Variants in SPHKAP observed in about 807,000 individuals in gnomAD.
SPHKAP encodes the protein SPHK1 interactor, AKAP domain containing.
In SPHKAP, 67 loss-of-function variants were observed where a neutral mutation model predicts 137.5. The ratio of observed to expected loss-of-function variants is 0.49; its 90% CI spans 0.40 to 0.60. The LOEUF is 0.60. Among genes scored for constraint, SPHKAP ranks in the 20% least tolerant of loss-of-function variants. SPHKAP has a pLI of 0.00. For missense variants in SPHKAP, 2,097 were observed against 2,069.3 expected, an observed-to-expected ratio of 1.01 and a Z score of -0.26; for synonymous variants, 813 against 785.3, an observed-to-expected ratio of 1.04 and a Z score of -0.59.
intron 3 of SPHKAP, among the ~76,000 whole-genome samples, chr2:228,043,263 A>T (rs1441938915): frequency 6.6e-6 from 1 of 152,226 alleles, no homozygotes; most frequent in Non-Finnish European, 1.5e-5. Context: ...AACACAATGT[A>T]TGAAAGGATA....
chr2:228,121,009 C>T lies in SPHKAP; in HGVS notation c.138+10971G>A, dbSNP rs555692011. 8.5e-5 allele frequency among the ~76,000 whole-genome samples: 13 copies of T among 152,160 alleles called. 1 individual carries two copies. The South Asian group carries it at 1.7e-3, about 19-fold the overall frequency. On this transcript the variant is annotated intron_variant, in intron 2 of 11. Transcript: ENST00000392056. Reference sequence around the variant, plus strand: ...ATCAGTGAAGGGAATGTGATTTTAACGCTAAGTGAAGGAAAATATAAGAAG... The same window carrying T: ...ATCAGTGAAGGGAATGTGATTTTAATGCTAAGTGAAGGAAAATATAAGAAG...
At chr2:228,162,988 G>A (rs1414448289) in intron 1 of SPHKAP, among the ~76,000 whole-genome samples, 1 of 152,076 alleles carries the variant, frequency 6.6e-6, no homozygotes, top group Non-Finnish European at 1.5e-5. Flanking sequence ...TGTGAGTCAC[G>A]TGCCTGGCCA....
intron 3 of SPHKAP, among the ~76,000 whole-genome samples, chr2:228,060,276 A>C (rs1242254779): frequency 6.6e-6 from 1 of 152,186 alleles, no homozygotes; most frequent in Admixed American, 6.5e-5. Flanking sequence ...ATTAAACATA[A>C]AGCAAAAACA....
rs567670445 is a variant in SPHKAP, at chr2:228,107,076, T to A, written c.246+1756A>T. On this transcript the variant is annotated intron_variant, in intron 3 of 11. Transcript: ENST00000392056. ...GCATTAACTCACGTAGTTATCATTT[T>A]TTTTTTGGCTGAGAACACTTAAAAT... 7.8e-3 allele frequency among the ~76,000 whole-genome samples: 1,182 copies of A among 152,288 alleles called. 14 individuals carry two copies. Among genetic ancestry groups the A allele is most frequent in the African/African-American group, 0.027 (1,104 of 41,572 alleles).
In SPHKAP at chr2:227,995,590, C is replaced by T. The variant is rs1196659874; in HGVS notation, c.4553G>A (p.Gly1518Asp). 1 of 1,614,072 alleles carries T rather than the reference C, an allele frequency of 6.2e-7. No homozygotes were observed. Among genetic ancestry groups the T allele is most frequent in the African/African-American group, 1.3e-5 (1 of 75,028 alleles). ...NPPSSSEEST[G>D]SWTQLANEED... The stretch of plus-strand genomic sequence containing the variant: ...CTCATTGGCAAGCTGGGTCCAGCTG[C>T]CTGTGCTCTCCTCGCTGCTGCTTGG... Residue 1518 changes from glycine (G) to aspartate (D), a missense_variant, in exon 8 of 12, where the codon GGC becomes GAC. Coordinates refer to ENST00000392056, the MANE Select transcript of SPHKAP (RefSeq NM_001142644.2).
chr2:228,058,184 C>T (rs1434305165), intron 3 of SPHKAP, among the ~76,000 whole-genome samples: 1 of 152,172 alleles, frequency 6.6e-6, no homozygotes, highest in Non-Finnish European at 1.5e-5. Context: ...CCAGCTACCC[C>T]ATTCTAGCCC....
intron 1 of SPHKAP, among the ~76,000 whole-genome samples, chr2:228,135,022 C>T (rs548331616): frequency 6.6e-6 from 1 of 152,138 alleles, no homozygotes; most frequent in Non-Finnish European, 1.5e-5. Flanking sequence ...CGCCTGTAAT[C>T]CCAGCACTTT....
chr2:228,172,927 T>C (rs13418687), intron 1 of SPHKAP: 61,042 of 538,950 alleles, frequency 0.11, 3,558 homozygotes, highest in East Asian at 0.2. Context: ...TATGTCACTA[T>C]GTCTTATATC....
intron 2 of SPHKAP, among the ~76,000 whole-genome samples, chr2:228,114,487 T>C (rs1698642439): frequency 6.6e-6 from 1 of 152,156 alleles, no homozygotes; most frequent in Non-Finnish European, 1.5e-5. Flanking sequence ...TTCATCCTAC[T>C]GAATGAGCTT....
chr2:228,166,146 G>A (rs1202680180), intron 1 of SPHKAP, among the ~76,000 whole-genome samples: 2 of 152,182 alleles, frequency 1.3e-5, no homozygotes, highest in South Asian at 2.1e-4. Flanking sequence ...GGGAGTACTG[G>A]CAAAATTGAT....
intron 7 of SPHKAP, among the ~76,000 whole-genome samples, chr2:228,004,676 T>A (rs1694058424): frequency 6.6e-6 from 1 of 152,236 alleles, no homozygotes; most frequent in Non-Finnish European, 1.5e-5. Flanking sequence ...TCTTTCGTGC[T>A]TTCTCTTGTG....
rs926475284 is a variant in SPHKAP at position 228,109,477 on chromosome 2, T to C, written c.139-538A>G. 7 of 626,826 alleles carry C rather than the reference T, an allele frequency of 1.1e-5. No individual in the cohort carries two copies. In the South Asian group the frequency reaches 5.0e-4, roughly 44 times the overall value. 38.8% of individuals were successfully genotyped at this position (626,826 alleles called of 1,614,324 possible). A position where few individuals can be genotyped will look rare whatever the true frequency, so the allele number is the denominator to read the frequency against. On this transcript the variant is annotated intron_variant, in intron 2 of 11. Transcript: ENST00000392056. ...GAAATAACTTATAAACAAATTACAT[T>C]AAATACCATTTGCCATTTAGAAATA...
intron 1 of SPHKAP, among the ~76,000 whole-genome samples, chr2:228,168,997 A>G (rs1464578094): frequency 6.6e-6 from 1 of 152,198 alleles, no homozygotes; most frequent in Non-Finnish European, 1.5e-5. Context: ...ACATTCCCTT[A>G]AGGCAAAGCC....
rs868621023 is a variant in SPHKAP at position 228,138,334 on chromosome 2, C to T, written c.33-6249G>A. On this transcript the variant is annotated intron_variant, in intron 1 of 11. Coordinates refer to ENST00000392056, the MANE Select transcript of SPHKAP (RefSeq NM_001142644.2). The stretch of plus-strand genomic sequence containing the variant: ...TTAGGAGTTAACCTCAGTTCTGCAC[C>T]GACAGCTCTCACTCCTGCTGCAATA... Among the ~76,000 whole-genome samples the T allele has an allele frequency of 7.2e-5, 11 of 152,222 alleles. No homozygotes were observed. The South Asian group carries it at 1.2e-3, about 17-fold the overall frequency.
intron 11 of SPHKAP, among the ~76,000 whole-genome samples, chr2:227,987,922 T>C (rs1475793550): frequency 6.6e-6 from 1 of 152,224 alleles, no homozygotes; most frequent in African/African-American, 2.4e-5. Flanking sequence ...GTGAATATTG[T>C]CCAATACCCT....
At chr2:228,152,538 G>C (rs777981598) in intron 1 of SPHKAP, among the ~76,000 whole-genome samples, 1 of 151,642 alleles carries the variant, frequency 6.6e-6, no homozygotes, top group Non-Finnish European at 1.5e-5. Flanking sequence ...TTAAAAATCC[G>C]GTTGATAATC....
At chr2:228,155,415 A>T (rs990789117) in intron 1 of SPHKAP, among the ~76,000 whole-genome samples, 1 of 152,224 alleles carries the variant, frequency 6.6e-6, no homozygotes, top group Non-Finnish European at 1.5e-5. Flanking sequence ...AAACAGAAAA[A>T]GTTTACTCAC....
intron 9 of SPHKAP, among the ~76,000 whole-genome samples, chr2:227,992,623 C>G (rs185350998): frequency 8.0e-5 from 12 of 150,666 alleles, no homozygotes; most frequent in African/African-American, 1.7e-4. Context: ...GAAAAGAAAA[C>G]AAAACAAAAC....
chr2:228,144,040 G>T (rs757259277), intron 1 of SPHKAP, among the ~76,000 whole-genome samples: 14 of 152,028 alleles, frequency 9.2e-5, no homozygotes, highest in Non-Finnish European at 1.8e-4. Context: ...CCTAACTGTT[G>T]CCTCTGCTGG....
Sources: allele counts gnomAD v4.1 joint callset (sites outside exome capture counted in the v4.1 genomes callset), GRCh38; gene constraint gnomAD v4.1.1; transcripts MANE v1.5; gene names NCBI Gene and HGNC (gene_info 2026-07-23, HGNC 2026-07-21).